The following AGPAT3 variants were observed in gnomAD, a reference collection of about 807,000 sequenced individuals.
The protein encoded by AGPAT3 is 1-acylglycerol-3-phosphate O-acyltransferase 3, also known as 1-acyl-sn-glycerol-3-phosphate acyltransferase gamma.
A neutral mutation model predicts 47.3 loss-of-function variants in AGPAT3; 5 were observed. The observed-to-expected ratio is 0.11, with a 90% CI of 0.06 to 0.22. The LOEUF is 0.22. Ranked by LOEUF, AGPAT3 falls within the 10% of genes least tolerant of loss-of-function variation. The pLI is 1.00. For synonymous variants in AGPAT3, 212 were observed against 208.3 expected, an observed-to-expected ratio of 1.02 and a Z score of -0.15; for missense variants, 315 against 493.0, an observed-to-expected ratio of 0.64 and a Z score of 3.42.
chr21:43,885,674 G>A (rs925936202), intron 1 of AGPAT3, among the ~76,000 whole-genome samples: 5 of 152,144 alleles, frequency 3.3e-5, no homozygotes, highest in Non-Finnish European at 5.9e-5. Context: ...ATAAGCCACC[G>A]TGCCCAGTGC....
chr21:43,937,145 T>C (rs2087476903), intron 2 of AGPAT3, among the ~76,000 whole-genome samples: 1 of 152,224 alleles, frequency 6.6e-6, no homozygotes. Flanking sequence ...ACGTTGACCC[T>C]GTGGCTTCCT....
chr21:43,982,282 T>A lies in AGPAT3; in HGVS notation c.1043-22T>A. 1 of 1,590,954 alleles carries A rather than the reference T, an allele frequency of 6.3e-7. No homozygotes were observed. ...GCAAAGTCATCCGTCTCACCTCTTC[T>A]CTCTCTCTCCTGTCTTGAAAGCTTC... On this transcript the variant is annotated intron_variant, in intron 9 of 9. Coordinates refer to ENST00000291572, the MANE Select transcript of AGPAT3 (RefSeq NM_020132.5). This position sits in a 1 kb window ranked among gnomAD's most constrained non-coding sequence, Gnocchi z 6.2.
Position 43,985,026 on chromosome 21 carries a change from C to T in AGPAT3, c.*2634C>T, listed in dbSNP as rs1354953908. ...CTGGCCTGTAGCTCCTGTTACCCAC[C>T]CAGAGCCAGGCGCCACACTGGAGGC... On this transcript the variant is annotated 3_prime_UTR_variant, in exon 10 of 10. Transcript: ENST00000291572. The T allele has an allele frequency of 2.3e-6, 1 of 442,574 alleles. No homozygotes were observed. Among genetic ancestry groups the T allele is most frequent in the Non-Finnish European group, 4.6e-6 (1 of 219,770 alleles). The allele number at this position is 442,574 out of a possible 1,614,324, so 27.4% of individuals were successfully genotyped here.
At chr21:43,881,015 C>CT (rs1482590761) in intron 1 of AGPAT3, among the ~76,000 whole-genome samples, 2 of 151,918 alleles carry the variant, frequency 1.3e-5, no homozygotes, top group African/African-American at 2.4e-5. Context: ...AATGTAAGAA[C>CT]TTTTTTTGGA....
rs571447984 is a variant in AGPAT3, at chr21:43,899,613, G to A, written c.-111-4344G>A. Among the ~76,000 whole-genome samples the A allele has an allele frequency of 1.9e-4, 29 of 152,288 alleles. No homozygotes were observed. The South Asian group carries it at 3.3e-3, about 17-fold the overall frequency. ...GGGAGCCCTGCTGCTTGGGCTGGCC[G>A]CGGTGAGCAGCGGCAGCGCTGTGGT... On this transcript the variant is annotated intron_variant, in intron 1 of 9. Transcript: ENST00000291572.
chr21:43,965,083 T>A (rs545190459), intron 3 of AGPAT3: 2 of 152,412 alleles, frequency 1.3e-5, no homozygotes, highest in Non-Finnish European at 2.9e-5. Context: ...GTGTGCACCA[T>A]CATGCCCAGC....
chr21:43,899,539 G>A (rs1414258617), intron 1 of AGPAT3, among the ~76,000 whole-genome samples: 3 of 152,190 alleles, frequency 2.0e-5, no homozygotes, highest in African/African-American at 4.8e-5. Context: ...TCCCCGGGAC[G>A]CCCTTGCCCT....
intron 2 of AGPAT3, among the ~76,000 whole-genome samples, chr21:43,951,810 G>A (rs1670345602): frequency 6.6e-6 from 1 of 152,234 alleles, no homozygotes; most frequent in South Asian, 2.1e-4. Flanking sequence ...TCAGAAGGAA[G>A]AAATGGAGGG....
At chr21:43,884,526 C>T (rs1383959261) in intron 1 of AGPAT3, among the ~76,000 whole-genome samples, 3 of 152,228 alleles carry the variant, frequency 2.0e-5, no homozygotes, top group Non-Finnish European at 4.4e-5. Flanking sequence ...ACATGGGGCC[C>T]AGCCTCCTGC....
At chr21:43,923,159 C>T (rs1356181160) in intron 2 of AGPAT3, among the ~76,000 whole-genome samples, 3 of 151,640 alleles carry the variant, frequency 2.0e-5, no homozygotes, top group Non-Finnish European at 2.9e-5. Flanking sequence ...GGGACCTGTG[C>T]TCACCAGCAC....
Position 43,981,535 on chromosome 21 carries a change from G to A in AGPAT3, c.1042+348G>A, listed in dbSNP as rs2089851949. ...AGGGGTCAGGCTGGGCTGGCCATTC[G>A]GGAGGTTTAAGCAGGACATCATCAT... On this transcript the variant is annotated intron_variant, in intron 9 of 9. Coordinates refer to ENST00000291572, the MANE Select transcript of AGPAT3 (RefSeq NM_020132.5). The surrounding 1 kb of genome is among the most constrained non-coding windows in gnomAD (Gnocchi z 5.3). 3 of 375,446 alleles carry A rather than the reference G, an allele frequency of 8.0e-6. No individual in the cohort carries two copies. Among genetic ancestry groups the A allele is most frequent in the East Asian group, 5.9e-5 (1 of 16,808 alleles). 23.3% of individuals were successfully genotyped at this position (375,446 alleles called of 1,614,324 possible). A position where few individuals can be genotyped will look rare whatever the true frequency, so the allele number is the denominator to read the frequency against.
At chr21:43,871,755 C>T (rs191857976) in intron 1 of AGPAT3, among the ~76,000 whole-genome samples, 50 of 152,270 alleles carry the variant, frequency 3.3e-4, no homozygotes, top group African/African-American at 1.2e-3. Context: ...CTCACCTATT[C>T]CTTATATATA....
At chr21:43,958,946 G>A (rs1354225477) in intron 2 of AGPAT3, among the ~76,000 whole-genome samples, 1 of 125,480 alleles carries the variant, frequency 8.0e-6, no homozygotes, top group Non-Finnish European at 1.6e-5. Flanking sequence ...GTGTGTGTGT[G>A]GCGTGTATGT....
Position 43,973,422 on chromosome 21 carries a change from G to A in AGPAT3, c.767+1932G>A, listed in dbSNP as rs145728572. Among the ~76,000 whole-genome samples the A allele has an allele frequency of 2.8e-4, 43 of 152,320 alleles. No homozygotes were observed. The East Asian group carries it at 4.1e-3, about 14-fold the overall frequency. Reference sequence around the variant, plus strand: ...TTCACGAGAGGAGCCCTTGAGGCACGTCTTGCTCTCATCCTTGGGTGGTTA... The same window carrying A: ...TTCACGAGAGGAGCCCTTGAGGCACATCTTGCTCTCATCCTTGGGTGGTTA... On this transcript the variant is annotated intron_variant, in intron 7 of 9. Coordinates refer to ENST00000291572, the MANE Select transcript of AGPAT3 (RefSeq NM_020132.5).
intron 7 of AGPAT3, among the ~76,000 whole-genome samples, chr21:43,973,831 A>G (rs1458173408): frequency 6.6e-6 from 1 of 152,204 alleles, no homozygotes; most frequent in Non-Finnish European, 1.5e-5. Flanking sequence ...CAATGTGTGC[A>G]GGACGGCTGC....
Position 43,934,359 on chromosome 21 carries a change from G to C in AGPAT3, c.-48-25275G>C, listed in dbSNP as rs1220936485. On this transcript the variant is annotated intron_variant, in intron 2 of 9. Transcript: ENST00000291572. This position sits in a 1 kb window ranked among gnomAD's most constrained non-coding sequence, Gnocchi z 4.7. ...TTCCTTCACTGTGCCCATGCTCAGA[G>C]ATGGTGACTTCATAAGAGGCCACAG... Among the ~76,000 whole-genome samples, 1 of 152,268 alleles carries C rather than the reference G, an allele frequency of 6.6e-6. No homozygotes were observed. The highest frequency in any genetic ancestry group is 1.5e-5 in the Non-Finnish European group (1 of 68,040).
intron 2 of AGPAT3, among the ~76,000 whole-genome samples, chr21:43,957,841 G>A (rs1434172325): frequency 3.3e-5 from 5 of 152,194 alleles, no homozygotes; most frequent in Admixed American, 1.3e-4. Context: ...CCCTCCACAC[G>A]GGGGTTGTAG....
At chr21:43,968,317 G>A (rs1429802631) in intron 4 of AGPAT3, among the ~76,000 whole-genome samples, 1 of 148,626 alleles carries the variant, frequency 6.7e-6, no homozygotes, top group East Asian at 2.0e-4. Context: ...AGGGCTGGGG[G>A]TGAGTGGGGG....
intron 1 of AGPAT3, among the ~76,000 whole-genome samples, chr21:43,895,223 G>C (rs1356938123): frequency 6.6e-6 from 1 of 151,808 alleles, no homozygotes; most frequent in Non-Finnish European, 1.5e-5. Context: ...TCCTGCCTCA[G>C]CCTCTGATGT....
Sources: allele counts gnomAD v4.1 joint callset (sites outside exome capture counted in the v4.1 genomes callset), GRCh38; gene constraint gnomAD v4.1.1; non-coding constraint Gnocchi (gnomAD v3.1); transcripts MANE v1.5; gene names NCBI Gene and HGNC (gene_info 2026-07-23, HGNC 2026-07-21).